Variants in DTNA observed in about 807,000 individuals in gnomAD.
DTNA encodes dystrobrevin alpha.
A neutral mutation model predicts 100.7 loss-of-function variants in DTNA; 43 were observed. The observed-to-expected ratio is 0.43, with a 90% CI of 0.33 to 0.55. The LOEUF (loss-of-function observed/expected upper bound fraction) is 0.55, where lower values mean the gene tolerates loss of function less well. Among genes scored for constraint, DTNA ranks in the 20% least tolerant of loss-of-function variants. The probability of loss-of-function intolerance (pLI) is 0.04; values close to 1 mark genes in which losing one functional copy is unlikely to be tolerated. For synonymous variants in DTNA, 349 were observed against 347.9 expected, an observed-to-expected ratio of 1.00 and a Z score of -0.04; for missense variants, 798 against 953.9, an observed-to-expected ratio of 0.84 and a Z score of 2.15.
Position 34,818,275 on chromosome 18 carries a change from G to C in DTNA, c.821G>C (p.Gly274Ala). The C allele has an allele frequency of 6.2e-7, 1 of 1,614,050 alleles. No individual in the cohort carries two copies. The highest frequency in any genetic ancestry group is 8.5e-7 in the Non-Finnish European group (1 of 1,179,962). ...CTCTGTCAGGACTGCTTCTGGAGGGGACATGCCGGTGGTTCTCATAGCAAC... is the reference window on the plus strand; with the variant it reads ...CTCTGTCAGGACTGCTTCTGGAGGGCACATGCCGGTGGTTCTCATAGCAAC... The part of the protein sequence containing the change: ...YQLCQDCFWR[G>A]HAGGSHSNQH... Residue 274 changes from glycine (G) to alanine (A), a missense_variant, in exon 8 of 23, where the codon GGA becomes GCA. Gly to Ala is a moderately conservative substitution (Grantham distance 60). Transcript: ENST00000444659.
At chr18:34,641,422 G>A (rs1243871307) in intron 1 of DTNA, among the ~76,000 whole-genome samples, 4 of 152,196 alleles carry the variant, frequency 2.6e-5, no homozygotes, top group Non-Finnish European at 5.9e-5. Flanking sequence ...GAATATTACA[G>A]ACTTATTCCG....
At chr18:34,674,369 G>A (rs2077146051) in intron 1 of DTNA, among the ~76,000 whole-genome samples, 1 of 152,186 alleles carries the variant, frequency 6.6e-6, no homozygotes, top group African/African-American at 2.4e-5. Context: ...CTCATACTGT[G>A]CTGTGTGTCA....
chr18:34,864,067 G>A lies in DTNA; in HGVS notation c.1743+5G>A. On this transcript the variant is annotated splice_donor_5th_base_variant and intron_variant, in intron 17 of 22. Transcript: ENST00000444659. ...GGTCTCATGAAGCTACTAAAGGTAA[G>A]ACCTGCCAGATAAATTTTCCTGAGC... 1 of 1,604,156 alleles carries A rather than the reference G, an allele frequency of 6.2e-7. No individual in the cohort carries two copies. The highest frequency in any genetic ancestry group is 8.5e-7 in the Non-Finnish European group (1 of 1,175,118).
chr18:34,498,286 TG>T (rs2039487016), intron 1 of DTNA, among the ~76,000 whole-genome samples: 3 of 151,750 alleles, frequency 2.0e-5, no homozygotes, highest in African/African-American at 7.2e-5. Flanking sequence ...CTGGGGGTGG[TG>T]GCAAGACCTA....
chr18:34,604,325 C>A (rs1253239455), intron 1 of DTNA, among the ~76,000 whole-genome samples: 1 of 151,984 alleles, frequency 6.6e-6, no homozygotes, highest in African/African-American at 2.4e-5. Context: ...CTTTCTGTAC[C>A]ATAGAAAGAG....
chr18:34,743,340 AC>A lies in DTNA; in HGVS notation c.-1-12632del, dbSNP rs1197383033. On this transcript the variant is annotated intron_variant, in intron 1 of 22. Coordinates refer to ENST00000444659, the MANE Select transcript of DTNA (RefSeq NM_001386795.1). ...TTAGTTTTGGCATCTATGTTCATTA[AC>A]CCCATCTACTTGGCTGTGTTTTCAT... Among the ~76,000 whole-genome samples the A allele has an allele frequency of 2.6e-5, 4 of 152,068 alleles. No homozygotes were observed. In the East Asian group the frequency reaches 7.8e-4, roughly 30 times the overall value.
intron 1 of DTNA, among the ~76,000 whole-genome samples, chr18:34,641,895 T>A (rs1432853662): frequency 1.3e-5 from 2 of 152,188 alleles, no homozygotes; most frequent in East Asian, 3.9e-4. Flanking sequence ...GACTTTCATG[T>A]ATGCCAAGAG....
At chr18:34,725,356 G>C (rs559096946) in intron 1 of DTNA, among the ~76,000 whole-genome samples, 111 of 151,564 alleles carry the variant, frequency 7.3e-4, no homozygotes, top group African/African-American at 2.4e-3. Context: ...ATCTGACAAA[G>C]GGCTAATATC....
intron 11 of DTNA, among the ~76,000 whole-genome samples, chr18:34,836,680 T>C (rs1186657922): frequency 6.6e-6 from 1 of 151,536 alleles, no homozygotes; most frequent in African/African-American, 2.4e-5. Flanking sequence ...GTCAATTTTG[T>C]TGGGTACAGT....
At chr18:34,748,118 T>C (rs930761969) in intron 1 of DTNA, among the ~76,000 whole-genome samples, 3 of 152,194 alleles carry the variant, frequency 2.0e-5, no homozygotes, top group African/African-American at 7.2e-5. Flanking sequence ...TTGAGAATTG[T>C]CTATTCATGT....
At chr18:34,789,495 A>G (rs987636606) in intron 3 of DTNA, among the ~76,000 whole-genome samples, 6 of 152,102 alleles carry the variant, frequency 3.9e-5, no homozygotes, top group Non-Finnish European at 8.8e-5. Flanking sequence ...TTTTATACCT[A>G]GCATGCTATA....
intron 13 of DTNA, among the ~76,000 whole-genome samples, chr18:34,840,381 A>AT (rs1012325110): frequency 1.3e-4 from 20 of 151,674 alleles, no homozygotes; most frequent in South Asian, 1.0e-3. Flanking sequence ...TAAGCATTGA[A>AT]TTTTTTTTTA....
chr18:34,555,137 T>C (rs2045890703), intron 1 of DTNA, among the ~76,000 whole-genome samples: 1 of 135,658 alleles, frequency 7.4e-6, no homozygotes, highest in Admixed American at 7.2e-5. Flanking sequence ...TATCCATTTC[T>C]TCTAGATTTT....
chr18:34,537,483 T>G (rs1475114806), intron 1 of DTNA, among the ~76,000 whole-genome samples: 1 of 151,802 alleles, frequency 6.6e-6, no homozygotes, highest in Non-Finnish European at 1.5e-5. Flanking sequence ...TAAAATACAA[T>G]GCTGATTAAA....
At chr18:34,777,328 A>G (rs2094111712) in intron 3 of DTNA, among the ~76,000 whole-genome samples, 1 of 152,234 alleles carries the variant, frequency 6.6e-6, no homozygotes, top group African/African-American at 2.4e-5. Flanking sequence ...TTGAACAAGA[A>G]AATGATGTCA....
intron 1 of DTNA, among the ~76,000 whole-genome samples, chr18:34,701,647 C>A (rs187764411): frequency 3.3e-5 from 5 of 152,318 alleles, no homozygotes; most frequent in African/African-American, 1.2e-4. Flanking sequence ...TCCTGGCACA[C>A]ACCTCTCCCC....
intron 9 of DTNA, among the ~76,000 whole-genome samples, chr18:34,824,882 C>T (rs1602731302): frequency 1.4e-5 from 2 of 139,202 alleles, no homozygotes; most frequent in African/African-American, 5.4e-5. Context: ...AAATATGGCA[C>T]AGTCTGACTA....
intron 13 of DTNA, among the ~76,000 whole-genome samples, chr18:34,840,293 G>T (rs2096244630): frequency 6.6e-6 from 1 of 152,040 alleles, no homozygotes; most frequent in East Asian, 1.9e-4. Flanking sequence ...CACAACTCAG[G>T]CTCTCAAAAC....
intron 4 of DTNA, among the ~76,000 whole-genome samples, chr18:34,801,167 G>A (rs1170305630): frequency 6.6e-6 from 1 of 152,130 alleles, no homozygotes; most frequent in Non-Finnish European, 1.5e-5. Flanking sequence ...TGTAAAGGAA[G>A]ATAAAAGATT....
Sources: gnomAD v4.1 joint callset for allele counts (sites outside exome capture counted in the v4.1 genomes callset) on GRCh38, gnomAD v4.1.1 for gene constraint, MANE v1.5 for transcripts, NCBI Gene and HGNC (gene_info 2026-07-23, HGNC 2026-07-21) for gene names.